The following FAM135A variants were observed in gnomAD, a reference collection of about 807,000 sequenced individuals.
FAM135A encodes protein FAM135A.
FAM135A carries 79 observed loss-of-function variants against 146.8 expected under a neutral mutation model. That is an observed-to-expected ratio of 0.54 (90% confidence interval 0.45 to 0.65). The LOEUF (loss-of-function observed/expected upper bound fraction) is 0.65, where lower values mean the gene tolerates loss of function less well. Among genes scored for constraint, FAM135A ranks in the 30% least tolerant of loss-of-function variants. The pLI is 0.00. For missense variants in FAM135A, 1,623 were observed against 1,758.2 expected, an observed-to-expected ratio of 0.92 and a Z score of 1.38; for synonymous variants, 562 against 603.6, an observed-to-expected ratio of 0.93 and a Z score of 1.01.
chr6:70,429,678 A>G (rs1771051964), intron 4 of FAM135A, among the ~76,000 whole-genome samples: 1 of 152,212 alleles, frequency 6.6e-6, no homozygotes, highest in African/African-American at 2.4e-5. Flanking sequence ...GTAACCATCA[A>G]TAGTTTCTAA....
intron 20 of FAM135A, among the ~76,000 whole-genome samples, chr6:70,540,547 G>A (rs1242380685): frequency 6.6e-6 from 1 of 151,812 alleles, no homozygotes; most frequent in Non-Finnish European, 1.5e-5. Context: ...GGCTGGTCTC[G>A]ATCTCCTGAC....
chr6:70,531,819 G>A (rs547444780), intron 16 of FAM135A, among the ~76,000 whole-genome samples: 1 of 150,752 alleles, frequency 6.6e-6, no homozygotes, highest in South Asian at 2.1e-4. Flanking sequence ...TTCACCATAA[G>A]TGTGATGTTT....
At chr6:70,457,365 C>G (rs1778571081) in intron 5 of FAM135A, among the ~76,000 whole-genome samples, 1 of 152,220 alleles carries the variant, frequency 6.6e-6, no homozygotes, top group South Asian at 2.1e-4. Context: ...TACGTAGTTT[C>G]AGGGCACGAA....
At position 70,423,858 on chromosome 6, in the gene FAM135A, C is replaced by T. The variant is rs114325747; in HGVS notation, c.-133-2581C>T. Reference sequence around the variant, plus strand: ...CATTAGTTGCATTAATCCAAGCTCACTGAGAGGCACAGTACTTTAGATCTG... The same window carrying T: ...CATTAGTTGCATTAATCCAAGCTCATTGAGAGGCACAGTACTTTAGATCTG... On this transcript the variant is annotated intron_variant, in intron 2 of 21. Transcript: ENST00000418814. Among the ~76,000 whole-genome samples, 464 of 152,308 alleles carry T rather than the reference C, an allele frequency of 3.0e-3. 1 individual carries two copies. Among genetic ancestry groups the T allele is most frequent in the African/African-American group, 0.01 (418 of 41,554 alleles).
intron 5 of FAM135A, among the ~76,000 whole-genome samples, chr6:70,455,871 G>A (rs1778255590): frequency 6.6e-6 from 1 of 151,794 alleles, no homozygotes; most frequent in South Asian, 2.1e-4. Flanking sequence ...CATTTTTTTT[G>A]AAGCGGAGTC....
chr6:70,480,136 T>C (rs1305059242), intron 8 of FAM135A, among the ~76,000 whole-genome samples: 1 of 152,192 alleles, frequency 6.6e-6, no homozygotes, highest in African/African-American at 2.4e-5. Flanking sequence ...GTATGATTTT[T>C]CAACAGTTTA....
At chr6:70,516,530 C>CTTTTTTTTTT (rs1174927909) in intron 12 of FAM135A, among the ~76,000 whole-genome samples, 8 of 84,958 alleles carry the variant, frequency 9.4e-5, no homozygotes, top group East Asian at 6.2e-4. Context: ...ATTTTCTTTT[C>CTTTTTTTTTT]TTTTTTTTTT....
Position 70,475,554 on chromosome 6 carries a change from A to G in FAM135A, c.297+5A>G. On this transcript the variant is annotated splice_donor_5th_base_variant and intron_variant, in intron 6 of 21. Coordinates refer to ENST00000418814, the MANE Select transcript of FAM135A (RefSeq NM_001162529.3). ...ATGCTATTGGATGAAAGAAAGGTAA[A>G]CATCTCTTCATATTTATTTATGTAA... 2 of 1,583,682 alleles carry G rather than the reference A, an allele frequency of 1.3e-6. No individual in the cohort carries two copies. The highest frequency in any genetic ancestry group is 1.7e-6 in the Non-Finnish European group (2 of 1,164,430).
chr6:70,486,211 A>G (rs1010135458), intron 10 of FAM135A: 2 of 1,613,814 alleles, frequency 1.2e-6, no homozygotes, highest in Admixed American at 1.7e-5. Context: ...TCTCAGAAGA[A>G]AACAGCTACG....
At chr6:70,470,690 G>A (rs1212347803) in intron 5 of FAM135A, among the ~76,000 whole-genome samples, 1 of 152,162 alleles carries the variant, frequency 6.6e-6, no homozygotes, top group Non-Finnish European at 1.5e-5. Context: ...GATCAACCCT[G>A]GTCCTTTCTA....
intron 20 of FAM135A, among the ~76,000 whole-genome samples, chr6:70,546,182 CAAAT>C (rs146532058): frequency 7.3e-5 from 11 of 151,582 alleles, no homozygotes; most frequent in African/African-American, 2.4e-4. Context: ...TCACAGCAAA[CAAAT>C]AAGTTAAATA....
At chr6:70,462,929 A>G (rs1693954013) in intron 5 of FAM135A, among the ~76,000 whole-genome samples, 1 of 151,884 alleles carries the variant, frequency 6.6e-6, no homozygotes. Flanking sequence ...TAGCAGAACC[A>G]TATCTTTCTC....
rs1451142310 is a variant in FAM135A at position 70,538,852 on chromosome 6, TA to T, written c.4228+452del. Among the ~76,000 whole-genome samples, 252 of 140,460 alleles carry T rather than the reference TA, an allele frequency of 1.8e-3. 1 individual carries two copies. Among genetic ancestry groups the T allele is most frequent in the African/African-American group, 6.6e-3 (240 of 36,102 alleles). 92.1% of individuals were successfully genotyped at this position (140,460 alleles called of 152,430 possible). A position where few individuals can be genotyped will look rare whatever the true frequency, so the allele number is the denominator to read the frequency against. On this transcript the variant is annotated intron_variant, in intron 20 of 21. Transcript: ENST00000418814. ...TATATTATATTATATTATATTATATTATATTATATGGCTAGCAAGCATTTCT... is the reference window on the plus strand; with the variant it reads ...TATATTATATTATATTATATTATATTTATTATATGGCTAGCAAGCATTTCT...
chr6:70,482,201 T>G, intron 10 of FAM135A, 47 bp downstream of exon 10: 1 of 1,587,692 alleles, frequency 6.3e-7, no homozygotes, highest in Non-Finnish European at 8.6e-7. Context: ...AATCATTCTC[T>G]TCAGTCTTAT....
intron 20 of FAM135A, among the ~76,000 whole-genome samples, chr6:70,555,212 A>C (rs1800604818): frequency 6.6e-6 from 1 of 152,110 alleles, no homozygotes. Context: ...AAGTCAAGTC[A>C]CTTTTAGAAA....
chr6:70,482,200 C>T (rs1364805139), intron 10 of FAM135A, 46 bp downstream of exon 10: 1 of 1,591,018 alleles, frequency 6.3e-7, no homozygotes, highest in Non-Finnish European at 8.6e-7. Context: ...AAATCATTCT[C>T]TTCAGTCTTA....
At chr6:70,446,050 T>C (rs1408017285) in intron 4 of FAM135A, among the ~76,000 whole-genome samples, 1 of 152,232 alleles carries the variant, frequency 6.6e-6, no homozygotes, top group Non-Finnish European at 1.5e-5. Flanking sequence ...TTTTAATGGG[T>C]TACTAGCTGC....
intron 20 of FAM135A, among the ~76,000 whole-genome samples, chr6:70,540,724 A>G (rs746855372): frequency 1.3e-5 from 2 of 152,044 alleles, no homozygotes; most frequent in Non-Finnish European, 2.9e-5. Flanking sequence ...TCTTTCATGT[A>G]TTACTCTTTG....
chr6:70,467,776 T>C (rs73476902), intron 5 of FAM135A, among the ~76,000 whole-genome samples: 7,026 of 152,210 alleles, frequency 0.046, 361 homozygotes, highest in African/African-American at 0.11. Context: ...AAAATCCAAG[T>C]GCTCTTTTGT....
Sources: allele counts gnomAD v4.1 joint callset (sites outside exome capture counted in the v4.1 genomes callset), GRCh38; gene constraint gnomAD v4.1.1; transcripts MANE v1.5; gene names NCBI Gene and HGNC (gene_info 2026-07-23, HGNC 2026-07-21).